CLCN7: variants seen among roughly 807,000 people sequenced by gnomAD.
CLCN7 encodes the protein Cl-/H+ antiporter 7.
CLCN7 carries 60 observed loss-of-function variants against 102.1 expected under a neutral mutation model. The ratio of observed to expected loss-of-function variants is 0.59; its 90% CI spans 0.48 to 0.73. The LOEUF is 0.73. CLCN7 is among the 30% of genes least tolerant of loss of function. The probability of loss-of-function intolerance (pLI) is 0.00; values close to 1 mark genes in which losing one functional copy is unlikely to be tolerated. For synonymous variants in CLCN7, 560 were observed against 490.5 expected (o/e 1.14, Z -1.87); for missense variants, 962 against 1,125.7 (o/e 0.85, Z 2.08).
chr16:1,447,977 G>T (rs910505380), intron 21 of CLCN7, among the ~76,000 whole-genome samples: 2 of 152,210 alleles, frequency 1.3e-5, no homozygotes, highest in African/African-American at 2.4e-5. Context: ...TGGCTTTGCT[G>T]CAGGGCAGAT....
Position 1,447,715 on chromosome 16 carries a change from C to A in CLCN7, c.2014-1G>T. On this transcript the variant is annotated splice_acceptor_variant, in intron 21 of 24. Coordinates refer to ENST00000382745, the MANE Select transcript of CLCN7 (RefSeq NM_001287.6). LOFTEE classifies it high-confidence loss of function. The stretch of plus-strand genomic sequence containing the variant: ...GGATCAGGCCCTGGAGCCGGGCAGG[C>A]TGCAAGACAGGCCCGCGGTCAGGGC... The A allele has an allele frequency of 6.4e-7, 1 of 1,552,692 alleles. No homozygotes were observed. The highest frequency in any genetic ancestry group is 8.7e-7 in the Non-Finnish European group (1 of 1,148,440).
intron 1 of CLCN7, among the ~76,000 whole-genome samples, chr16:1,465,554 C>T (rs1033485901): frequency 9.9e-5 from 15 of 152,218 alleles, no homozygotes; most frequent in Admixed American, 5.2e-4. Context: ...CTCGGCCTGT[C>T]AGCGACACGT....
chr16:1,450,688 C>A, intron 16 of CLCN7, 22 bp from the exon 17 acceptor site: 10 of 1,539,770 alleles, frequency 6.5e-6, no homozygotes, highest in Non-Finnish European at 8.8e-6. Context: ...GAGGGGCTGA[C>A]GGGGCCTCCA....
In CLCN7 at chr16:1,452,764, G is replaced by C; in HGVS notation, c.1344C>G (p.Tyr448Ter). Residue 448 changes from tyrosine (Y) to a stop codon, truncating the protein, a stop_gained, in exon 15 of 25, where the codon TAC (tyrosine) becomes TAG (stop). Transcript: ENST00000382745. LOFTEE classifies it high-confidence loss of function. ...GGGCCCAGCCTCCCACCTGCAGCGGGTAGGACATGGAGCCCCCCTGCAGGG... is the reference window on the plus strand; with the variant it reads ...GGGCCCAGCCTCCCACCTGCAGCGGCTAGGACATGGAGCCCCCCTGCAGGG... ...CQPLQGGSMS[Y>*]PLQLFCADGE... 6.2e-7 allele frequency: 1 copy of C among 1,601,512 alleles called. No homozygotes were observed. Among genetic ancestry groups the C allele is most frequent in the Non-Finnish European group, 8.5e-7 (1 of 1,174,660 alleles).
Position 1,449,080 on chromosome 16 carries a change from C to T in CLCN7, c.1683G>A (p.Arg561=), listed in dbSNP as rs1446242545. Residue 561 remains arginine, a synonymous_variant, in exon 19 of 25, where the codon CGG becomes CGA. Coordinates refer to ENST00000382745, the MANE Select transcript of CLCN7 (RefSeq NM_001287.6). ...GAAAQLGGIV[R]MTLSLTVIMM... ...TGATGACGGTCAGGCTCAGTGTCATCCGCACAATCCCGCCTGCGGGAGCCA... is the reference window on the plus strand; with the variant it reads ...TGATGACGGTCAGGCTCAGTGTCATTCGCACAATCCCGCCTGCGGGAGCCA... 6.2e-7 allele frequency: 1 copy of T among 1,612,822 alleles called. No homozygotes were observed. The highest frequency in any genetic ancestry group is 1.7e-5 in the Admixed American group (1 of 60,026).
chr16:1,471,653 A>G (rs2039079399), intron 1 of CLCN7: 1 of 152,226 alleles, frequency 6.6e-6, no homozygotes. Context: ...TGTGACAGGC[A>G]CCGTGCTCAG....
chr16:1,448,166 A>G, intron 21 of CLCN7, 189 bp downstream of exon 21: 2 of 795,638 alleles, frequency 2.5e-6, no homozygotes, highest in Non-Finnish European at 4.0e-6. Flanking sequence ...GCCAGGCCGC[A>G]GCCCCCCCCA....
chr16:1,466,545 G>A (rs569468480), intron 1 of CLCN7: 17 of 152,574 alleles, frequency 1.1e-4, no homozygotes, highest in Admixed American at 9.8e-4. Context: ...GAGAAGGAAG[G>A]TTTGGGATCT....
At chr16:1,454,707 G>C (rs1002545047) in intron 12 of CLCN7, among the ~76,000 whole-genome samples, 2 of 152,218 alleles carry the variant, frequency 1.3e-5, no homozygotes, top group Admixed American at 6.5e-5. Flanking sequence ...AGCACCCGGG[G>C]CGGGGAGGGC....
In CLCN7 at chr16:1,459,421, C is replaced by T. The variant is rs184246889; in HGVS notation, c.595-234G>A. ...GTCGGGGCCCCAGGGAAGGGGAGCT[C>T]AGCACACACGTCGGGGCATCAGGGA... On this transcript the variant is annotated intron_variant, in intron 6 of 24. Transcript: ENST00000382745. 1,587 of 497,606 alleles carry T rather than the reference C, an allele frequency of 3.2e-3. 13 individuals are homozygous for T. The highest frequency in any genetic ancestry group is 4.7e-3 in the Non-Finnish European group (1,280 of 274,650). The allele number at this position is 497,606 out of a possible 1,614,324, so 30.8% of individuals were successfully genotyped here. A position where few individuals can be genotyped will look rare whatever the true frequency, so the allele number is the denominator to read the frequency against.
chr16:1,456,141 TCCGG>T lies in CLCN7; in HGVS notation c.884_887del (p.Ala295GlufsTer28). On this transcript the variant is annotated frameshift_variant, in exon 10 of 25. Transcript: ENST00000382745. LOFTEE classifies it high-confidence loss of function. ...CGGGGGCTCCAAACGCCGCTGACAC[TCCGG>T]CCGCAGCCCCTGCGGAGACGAAGTC... 6.4e-7 allele frequency: 1 copy of T among 1,562,486 alleles called. No individual in the cohort carries two copies. Among genetic ancestry groups the T allele is most frequent in the Non-Finnish European group, 8.7e-7 (1 of 1,153,158 alleles).
In CLCN7 at chr16:1,453,939, G is replaced by A. The variant is rs373737024; in HGVS notation, c.1154-45C>T. 3.2e-6 allele frequency: 5 copies of A among 1,586,818 alleles called. No individual in the cohort carries two copies. In the African/African-American group the frequency reaches 5.4e-5, roughly 17 times the overall value. On this transcript the variant is annotated intron_variant, in intron 13 of 24. Coordinates refer to ENST00000382745, the MANE Select transcript of CLCN7 (RefSeq NM_001287.6). Reference sequence around the variant, plus strand: ...CAGTCAGCGACACCGGAGGAAAAGTGCGGGCCTCCGCCCGCCGGCTCCCAG... The same window carrying A: ...CAGTCAGCGACACCGGAGGAAAAGTACGGGCCTCCGCCCGCCGGCTCCCAG...
rs1313859487 is a variant in CLCN7, at chr16:1,450,809, G to A, written c.1448-143C>T. 5 of 748,274 alleles carry A rather than the reference G, an allele frequency of 6.7e-6. 1 individual carries two copies. Among genetic ancestry groups the A allele is most frequent in the East Asian group, 2.7e-5 (1 of 36,944 alleles). The allele number at this position is 748,274 out of a possible 1,614,324, so 46.4% of individuals were successfully genotyped here. On this transcript the variant is annotated intron_variant, in intron 16 of 24. Transcript: ENST00000382745. ...TCCCGAGCCCAGCGGTCCCCAGAAG[G>A]CTCCCTGTTCTCAGCCTCCCTGGGA... is the stretch of plus-strand genomic sequence containing the variant.
chr16:1,458,912 G>A (rs1215522780), intron 7 of CLCN7, among the ~76,000 whole-genome samples, 195 bp downstream of exon 7: 16 of 152,170 alleles, frequency 1.1e-4, no homozygotes, highest in Admixed American at 1.0e-3. Context: ...AATTTAATAT[G>A]TGCAAATACC....
In CLCN7 at chr16:1,446,192, G is replaced by C. The variant is rs899778304; in HGVS notation, c.*439C>G. On this transcript the variant is annotated 3_prime_UTR_variant, in exon 25 of 25. Transcript: ENST00000382745. Reference sequence around the variant, plus strand: ...GGCCAAGCAGCTCCCAAGTCTCGAAGACTCCACTGGTGTGGAGGCAGAGGG... The same window carrying C: ...GGCCAAGCAGCTCCCAAGTCTCGAACACTCCACTGGTGTGGAGGCAGAGGG... 4 of 610,104 alleles carry C rather than the reference G, an allele frequency of 6.6e-6. No individual in the cohort carries two copies. The highest frequency in any genetic ancestry group is 1.2e-5 in the Non-Finnish European group (4 of 344,326). The allele number at this position is 610,104 out of a possible 1,614,324, so 37.8% of individuals were successfully genotyped here.
chr16:1,455,941 G>A lies in CLCN7; in HGVS notation c.917-146C>T, dbSNP rs541603741. ...CCCCAGCCACACAGAGAGGGACCCTGAGGGAGGTCTGAGGGCTGGACCCAA... is the reference window on the plus strand; with the variant it reads ...CCCCAGCCACACAGAGAGGGACCCTAAGGGAGGTCTGAGGGCTGGACCCAA... On this transcript the variant is annotated intron_variant, in intron 10 of 24. Transcript: ENST00000382745. 5 of 1,056,622 alleles carry A rather than the reference G, an allele frequency of 4.7e-6. No homozygotes were observed. In the South Asian group the frequency reaches 5.5e-5, roughly 12 times the overall value. The allele number at this position is 1,056,622 out of a possible 1,614,324, so 65.5% of individuals were successfully genotyped here. A position where few individuals can be genotyped will look rare whatever the true frequency, so the allele number is the denominator to read the frequency against.
chr16:1,452,382 C>A lies in CLCN7; in HGVS notation c.1353+373G>T, dbSNP rs558091790. On this transcript the variant is annotated intron_variant, in intron 15 of 24. Coordinates refer to ENST00000382745, the MANE Select transcript of CLCN7 (RefSeq NM_001287.6). ...CCGTGTCACAGTGCAGATGGACGCA[C>A]GGACGGCGGTGAGCCGTGAGCGCCA... is the stretch of plus-strand genomic sequence containing the variant. 57 of 305,634 alleles carry A rather than the reference C, an allele frequency of 1.9e-4. 1 individual carries two copies. In the South Asian group the frequency reaches 2.0e-3, roughly 11 times the overall value. 18.9% of individuals were successfully genotyped at this position (305,634 alleles called of 1,614,324 possible).
In CLCN7 at chr16:1,474,867, C is replaced by T. The variant is rs766712653; in HGVS notation, c.108G>A (p.Leu36=). ...RTARPGGGTP[L]LNGAGPGAAR... ...CAGCCCCAGGCCCAGCCCCGTTCAG[C>T]AGCGGCGTCCCCCCGCCGGGCCGCG... Residue 36 remains leucine, a synonymous_variant, in exon 1 of 25, where the codon CTG becomes CTA. Transcript: ENST00000382745. The T allele has an allele frequency of 3.8e-5, 55 of 1,442,040 alleles. No individual in the cohort carries two copies. The highest frequency in any genetic ancestry group is 9.9e-5 in the Admixed American group (4 of 40,402). The allele number at this position is 1,442,040 out of a possible 1,614,324, so 89.3% of individuals were successfully genotyped here.
intron 1 of CLCN7, among the ~76,000 whole-genome samples, chr16:1,471,395 C>T (rs1596231629): frequency 6.6e-6 from 1 of 152,314 alleles, no homozygotes. Flanking sequence ...TAGCTCAAAA[C>T]AGCTCTGGAG....
Sources: allele counts gnomAD v4.1 joint callset (sites outside exome capture counted in the v4.1 genomes callset), GRCh38; gene constraint gnomAD v4.1.1; transcripts MANE v1.5; gene names NCBI Gene and HGNC (gene_info 2026-07-23, HGNC 2026-07-21).